The following SCN11A variants were observed in gnomAD, a reference collection of about 807,000 sequenced individuals.
SCN11A encodes sodium channel protein type 11 subunit alpha.
In SCN11A, 122 loss-of-function variants were observed where a neutral mutation model predicts 162.2. The observed-to-expected ratio is 0.75, with a 90% CI of 0.65 to 0.87. SCN11A has a LOEUF of 0.87. SCN11A is among the 40% of genes least tolerant of loss of function. The pLI is 0.00. For synonymous variants in SCN11A, 758 were observed against 751.5 expected, an observed-to-expected ratio of 1.01 and a Z score of -0.14; for missense variants, 2,015 against 2,181.6, an observed-to-expected ratio of 0.92 and a Z score of 1.52.
intron 26 of SCN11A, among the ~76,000 whole-genome samples, chr3:38,869,032 C>T (rs1575224486): frequency 6.6e-6 from 1 of 152,094 alleles, no homozygotes; most frequent in Non-Finnish European, 1.5e-5. Context: ...ACGGGGAAAA[C>T]GCTCACAGTT....
In SCN11A at chr3:38,886,215, G is replaced by T. The variant is rs946867669; in HGVS notation, c.2859C>A (p.Asn953Lys). The change falls in exon 20 of 30, where the codon AAC becomes AAA. Residue 953 changes from asparagine to lysine, a missense_variant. Asn to Lys is a moderately conservative substitution (Grantham distance 94, BLOSUM62 0). Transcript: ENST00000302328. The part of the protein sequence containing the change: ...EQQAYELHQE[N>K]KKPTSQRVQS... Reference sequence around the variant, plus strand: ...GAACTCTCTGGCTCGTGGGCTTCTTGTTCTCCTGATGGAGCTCATAGGCCT... The same window carrying T: ...GAACTCTCTGGCTCGTGGGCTTCTTTTTCTCCTGATGGAGCTCATAGGCCT... The T allele has an allele frequency of 6.8e-6, 11 of 1,612,488 alleles. No individual in the cohort carries two copies. In the Middle Eastern group the frequency reaches 1.2e-3, roughly 171 times the overall value.
intron 2 of SCN11A, among the ~76,000 whole-genome samples, chr3:39,019,616 T>A (rs890477942): frequency 2.6e-5 from 4 of 152,210 alleles, no homozygotes; most frequent in Non-Finnish European, 5.9e-5. Context: ...AGCAGGAGGA[T>A]CAATCCAGTT....
At chr3:38,938,538 ATATATATATATATTTTTTTTTTTTTTT>A (rs1195689982) in intron 7 of SCN11A, among the ~76,000 whole-genome samples, 3 of 23,968 alleles carry the variant, frequency 1.3e-4, no homozygotes, top group African/African-American at 5.4e-4. Flanking sequence ...ATATATATAT[ATATATATATATATTTTTTTTTTTTTTT>A]TTTTTTTTTT....
chr3:38,883,477 C>G, intron 21 of SCN11A, 90 bp from the exon 22 acceptor site: 1 of 1,249,872 alleles, frequency 8.0e-7, no homozygotes. Context: ...GTTCATGCCC[C>G]TTGCCATGCG....
At chr3:38,950,495 A>T (rs2066596493) in intron 4 of SCN11A, 126 bp from the exon 5 acceptor site, 1 of 953,502 alleles carries the variant, frequency 1.0e-6, no homozygotes. Flanking sequence ...AGCTGAGGTC[A>T]GGGGCCTTGG....
Position 38,872,345 on chromosome 3 carries a change from GA to G in SCN11A, c.3394-52del, listed in dbSNP as rs777571279. 19 of 1,007,412 alleles carry G rather than the reference GA, an allele frequency of 1.9e-5. No homozygotes were observed. The East Asian group carries it at 4.3e-4, about 23-fold the overall frequency. The allele number at this position is 1,007,412 out of a possible 1,614,324, so 62.4% of individuals were successfully genotyped here. ...ATGTACCTGACTTGGTGTCCAGCTG[GA>G]AAGTCCATTTTTCTCCTTATCTACC... On this transcript the variant is annotated intron_variant, in intron 23 of 29. Coordinates refer to ENST00000302328, the MANE Select transcript of SCN11A (RefSeq NM_001349253.2).
chr3:39,009,482 T>G (rs1424946376), intron 2 of SCN11A, among the ~76,000 whole-genome samples: 1 of 151,042 alleles, frequency 6.6e-6, no homozygotes, highest in Non-Finnish European at 1.5e-5. Flanking sequence ...AAAGGGCTCT[T>G]GAGACCAGAA....
intron 2 of SCN11A, among the ~76,000 whole-genome samples, chr3:38,965,464 C>T (rs1484175629): frequency 6.6e-6 from 1 of 152,100 alleles, no homozygotes; most frequent in African/African-American, 2.4e-5. Context: ...CACCTCTCAT[C>T]TTGACCATCA....
At chr3:38,886,263 A>C in intron 19 of SCN11A, 25 bp from the exon 20 acceptor site, 1 of 1,473,068 alleles carries the variant, frequency 6.8e-7, no homozygotes, top group Non-Finnish European at 9.5e-7. Flanking sequence ...CCAGAATAGA[A>C]TTAATATTCC....
At chr3:38,866,206 CTTTTTTT>C (rs35620716) in intron 27 of SCN11A, among the ~76,000 whole-genome samples, 9 of 143,578 alleles carry the variant, frequency 6.3e-5, no homozygotes, top group Admixed American at 4.2e-4. Context: ...CTGAGAATTC[CTTTTTTT>C]TTTTTTTCTC....
intron 2 of SCN11A, among the ~76,000 whole-genome samples, chr3:38,985,110 G>A (rs969955540): frequency 1.3e-5 from 2 of 148,624 alleles, no homozygotes; most frequent in Non-Finnish European, 1.5e-5. Flanking sequence ...TTAAAAAAAT[G>A]TCTTTCTGGC....
At chr3:39,020,186 C>T (rs1271558997) in intron 2 of SCN11A, among the ~76,000 whole-genome samples, 2 of 152,280 alleles carry the variant, frequency 1.3e-5, no homozygotes, top group East Asian at 1.9e-4. Flanking sequence ...GAAGCCTTAG[C>T]GCATAGTAAG....
At chr3:39,024,551 CA>C (rs2031537468) in intron 2 of SCN11A, among the ~76,000 whole-genome samples, 1 of 152,292 alleles carries the variant, frequency 6.6e-6, no homozygotes, top group Non-Finnish European at 1.5e-5. Flanking sequence ...CCCTGTTCCC[CA>C]AGGCAGGTCA....
intron 7 of SCN11A, among the ~76,000 whole-genome samples, chr3:38,929,172 C>CACACACACACACACACACACAT (rs139558791): frequency 5.9e-4 from 47 of 79,842 alleles, no homozygotes; most frequent in African/African-American, 1.1e-3. Flanking sequence ...CACACACACA[C>CACACACACACACACACACACAT]ATGTTTGGGA....
chr3:39,035,670 C>T (rs1422774004), intron 1 of SCN11A, among the ~76,000 whole-genome samples: 5 of 151,838 alleles, frequency 3.3e-5, no homozygotes, highest in Non-Finnish European at 5.9e-5. Context: ...GATGGAGTCT[C>T]GCTCTGTTGC....
intron 7 of SCN11A, among the ~76,000 whole-genome samples, chr3:38,934,394 T>G (rs1048652002): frequency 1.3e-5 from 2 of 151,954 alleles, no homozygotes; most frequent in Non-Finnish European, 2.9e-5. Flanking sequence ...TAAATGTAAA[T>G]GGACTAAATG....
chr3:38,868,812 A>G (rs903328308), intron 26 of SCN11A, among the ~76,000 whole-genome samples: 2 of 152,182 alleles, frequency 1.3e-5, no homozygotes, highest in Non-Finnish European at 2.9e-5. Flanking sequence ...CCTGAGATAT[A>G]TCAGGAAGGC....
chr3:39,051,626 G>A (rs1019890844), intron 1 of SCN11A, among the ~76,000 whole-genome samples: 1 of 152,072 alleles, frequency 6.6e-6, no homozygotes, highest in African/African-American at 2.4e-5. Context: ...TGGTTCACTT[G>A]GTTCTCCTGC....
At chr3:38,881,480 C>A (rs563776459) in intron 22 of SCN11A, among the ~76,000 whole-genome samples, 1 of 152,098 alleles carries the variant, frequency 6.6e-6, no homozygotes, top group Non-Finnish European at 1.5e-5. Context: ...TGGATGAGCA[C>A]GCTTATACCT....
Sources: gnomAD v4.1 joint callset for allele counts (sites outside exome capture counted in the v4.1 genomes callset) on GRCh38, gnomAD v4.1.1 for gene constraint, MANE v1.5 for transcripts, NCBI Gene and HGNC (gene_info 2026-07-23, HGNC 2026-07-21) for gene names.